Variants in SHISA6 observed in about 807,000 individuals in gnomAD.
SHISA6 encodes the protein protein shisa-6.
A neutral mutation model predicts 47.9 loss-of-function variants in SHISA6; 22 were observed. The observed-to-expected ratio is 0.46, with a 90% CI of 0.33 to 0.66. The LOEUF (loss-of-function observed/expected upper bound fraction) is 0.66. SHISA6 is among the 30% of genes least tolerant of loss of function. The pLI is 0.02. For synonymous variants in SHISA6, 388 were observed against 337.8 expected, an observed-to-expected ratio of 1.15 and a Z score of -1.63; for missense variants, 680 against 764.6, an observed-to-expected ratio of 0.89 and a Z score of 1.30.
intron 2 of SHISA6, among the ~76,000 whole-genome samples, chr17:11,319,072 ATGTTT>A (rs1289367473): frequency 1.8e-4 from 17 of 95,358 alleles, no homozygotes; most frequent in Admixed American, 1.6e-3. Flanking sequence ...ATTTCTTCTT[ATGTTT>A]TTTTTTTTTT....
intron 2 of SHISA6, among the ~76,000 whole-genome samples, chr17:11,331,969 C>T (rs1041193555): frequency 6.6e-6 from 1 of 152,108 alleles, no homozygotes; most frequent in East Asian, 1.9e-4. Flanking sequence ...GCCGGTGGAG[C>T]GGAATCACTT....
At chr17:11,430,215 G>A (rs187806517) in intron 3 of SHISA6, among the ~76,000 whole-genome samples, 127 of 152,252 alleles carry the variant, frequency 8.3e-4, no homozygotes, top group African/African-American at 3.0e-3. Context: ...TTTGTTGAAC[G>A]TTTCTGGTTC....
chr17:11,375,263 G>A (rs1382618782), intron 2 of SHISA6, among the ~76,000 whole-genome samples: 1 of 151,950 alleles, frequency 6.6e-6, no homozygotes, highest in Non-Finnish European at 1.5e-5. Flanking sequence ...CTCTCCTCTG[G>A]GAGTCTTATT....
intron 3 of SHISA6, among the ~76,000 whole-genome samples, chr17:11,399,499 G>A (rs955802779): frequency 6.6e-6 from 1 of 152,168 alleles, no homozygotes; most frequent in African/African-American, 2.4e-5. Context: ...TCAGCTCACT[G>A]CAACCTCCGC....
chr17:11,264,692 C>T (rs1325869889), intron 2 of SHISA6, among the ~76,000 whole-genome samples: 2 of 152,164 alleles, frequency 1.3e-5, no homozygotes, highest in African/African-American at 4.8e-5. Context: ...TATATAGCCA[C>T]TAGGTGGCAG....
At chr17:11,497,941 C>T (rs2071421758) in intron 3 of SHISA6, among the ~76,000 whole-genome samples, 1 of 152,166 alleles carries the variant, frequency 6.6e-6, no homozygotes, top group African/African-American at 2.4e-5. Flanking sequence ...GGAGGTGAGA[C>T]CTTGAGAGCA....
At chr17:11,463,951 C>G (rs149632820) in intron 3 of SHISA6, among the ~76,000 whole-genome samples, 69 of 152,270 alleles carry the variant, frequency 4.5e-4, no homozygotes, top group African/African-American at 1.6e-3. Flanking sequence ...GGGTCTTGTT[C>G]TGTCACCCAG....
chr17:11,530,469 T>C (rs1293884865), intron 3 of SHISA6, among the ~76,000 whole-genome samples: 1 of 152,258 alleles, frequency 6.6e-6, no homozygotes, highest in Non-Finnish European at 1.5e-5. Context: ...TGTTCAATTT[T>C]ACTTTCTGGT....
intron 1 of SHISA6, among the ~76,000 whole-genome samples, chr17:11,252,089 A>T (rs962780847): frequency 2.0e-5 from 3 of 151,328 alleles, no homozygotes; most frequent in Admixed American, 1.3e-4. Flanking sequence ...ACTCATGCCT[A>T]CTCCTTGTTA....
chr17:11,335,639 T>C (rs529959828), intron 2 of SHISA6, among the ~76,000 whole-genome samples: 21 of 152,226 alleles, frequency 1.4e-4, no homozygotes, highest in African/African-American at 4.6e-4. Context: ...AAAAACCTAG[T>C]GTTTGAATGA....
At chr17:11,267,636 C>T (rs986170149) in intron 2 of SHISA6, among the ~76,000 whole-genome samples, 2 of 152,188 alleles carry the variant, frequency 1.3e-5, no homozygotes, top group South Asian at 2.1e-4. Context: ...TTTGAGGGAA[C>T]TGGAGGAAAG....
chr17:11,524,765 C>T (rs946826195), intron 3 of SHISA6, among the ~76,000 whole-genome samples: 4 of 152,206 alleles, frequency 2.6e-5, no homozygotes, highest in Admixed American at 6.5e-5. Flanking sequence ...TCCCAAAGTG[C>T]TAGGATTACA....
intron 2 of SHISA6, among the ~76,000 whole-genome samples, chr17:11,308,157 A>G (rs1255064112): frequency 6.6e-6 from 1 of 152,172 alleles, no homozygotes; most frequent in Admixed American, 6.5e-5. Context: ...CTCTGATTTT[A>G]TAGGTGAGAA....
At chr17:11,540,019 G>A (rs1041670170) in intron 3 of SHISA6, among the ~76,000 whole-genome samples, 6 of 152,124 alleles carry the variant, frequency 3.9e-5, no homozygotes, top group African/African-American at 1.4e-4. Context: ...TTTGCTATTC[G>A]GTGTACGTCA....
At chr17:11,282,005 C>G (rs1567559712) in intron 2 of SHISA6, among the ~76,000 whole-genome samples, 1 of 152,106 alleles carries the variant, frequency 6.6e-6, no homozygotes, top group East Asian at 1.9e-4. Context: ...CTTTTAAGAG[C>G]AATTTCAATC....
intron 2 of SHISA6, among the ~76,000 whole-genome samples, chr17:11,345,601 G>A (rs956434111): frequency 6.6e-6 from 1 of 152,076 alleles, no homozygotes; most frequent in Non-Finnish European, 1.5e-5. Context: ...TCCAATCCAT[G>A]AACGTGGGAT....
chr17:11,273,297 C>T (rs2142154597), intron 2 of SHISA6, among the ~76,000 whole-genome samples: 1 of 152,300 alleles, frequency 6.6e-6, no homozygotes, highest in South Asian at 2.1e-4. Context: ...CCGGGAGCCC[C>T]CTCCAGCTAC....
At chr17:11,254,365 A>G (rs1032957938) in intron 1 of SHISA6, among the ~76,000 whole-genome samples, 2 of 152,202 alleles carry the variant, frequency 1.3e-5, no homozygotes, top group African/African-American at 4.8e-5. Context: ...ACATGCTGAC[A>G]CAGTCCACAT....
chr17:11,480,880 T>C (rs1916192773), intron 3 of SHISA6, among the ~76,000 whole-genome samples: 1 of 152,182 alleles, frequency 6.6e-6, no homozygotes, highest in African/African-American at 2.4e-5. Flanking sequence ...GACAGGTGTC[T>C]TATTTAAAAA....
Sources: allele counts gnomAD v4.1 joint callset (sites outside exome capture counted in the v4.1 genomes callset), GRCh38; gene constraint gnomAD v4.1.1; transcripts MANE v1.5; gene names NCBI Gene and HGNC (gene_info 2026-07-23, HGNC 2026-07-21).